Variants in ERCC4 observed in about 807,000 individuals in gnomAD.
ERCC4 encodes DNA repair endonuclease XPF.
A neutral mutation model predicts 76.9 loss-of-function variants in ERCC4; 65 were observed. The observed-to-expected ratio is 0.84, with a 90% CI of 0.69 to 1.04. The LOEUF (loss-of-function observed/expected upper bound fraction) is 1.04. Ranked by LOEUF, ERCC4 falls within the 50% of genes least tolerant of loss-of-function variation. The pLI is 0.00. For missense variants in ERCC4, 1,214 were observed against 1,128.2 expected (o/e 1.08, Z -1.09); for synonymous variants, 463 against 410.1 (o/e 1.13, Z -1.56).
intron 8 of ERCC4, among the ~76,000 whole-genome samples, chr16:13,937,014 C>A (rs1224742176): frequency 6.6e-6 from 1 of 151,518 alleles, no homozygotes; most frequent in East Asian, 1.9e-4. Flanking sequence ...CCCCCTTTCC[C>A]TGACTCACGT....
At position 13,920,392 on chromosome 16, in the gene ERCC4, G is replaced by T; in HGVS notation, c.207+20G>T. 1 of 1,544,012 alleles carries T rather than the reference G, an allele frequency of 6.5e-7. No homozygotes were observed. The highest frequency in any genetic ancestry group is 1.9e-5 in the Admixed American group (1 of 52,376). ...GAGGAGGTGCGGCCGCGCTGGCGCG[G>T]GAGTGAGGGGACTCCGAGAGTGTTG... On this transcript the variant is annotated intron_variant, in intron 1 of 10. Transcript: ENST00000311895.
At position 13,950,478 on chromosome 16, in the gene ERCC4, G is replaced by C. The variant is rs2032609710; in HGVS notation, c.*2131G>C. 2 of 192,094 alleles carry C rather than the reference G, an allele frequency of 1.0e-5. No individual in the cohort carries two copies. The highest frequency in any genetic ancestry group is 4.6e-5 in the African/African-American group (2 of 43,124). The allele number at this position is 192,094 out of a possible 1,614,324, so 11.9% of individuals were successfully genotyped here. A position where few individuals can be genotyped will look rare whatever the true frequency, so the allele number is the denominator to read the frequency against. ...AAGAAATAAAAATTAGTTTAAGATG[G>C]AATAAAGATTTGGGCTGCTAATTTT... On this transcript the variant is annotated 3_prime_UTR_variant, in exon 11 of 11. Coordinates refer to ENST00000311895, the MANE Select transcript of ERCC4 (RefSeq NM_005236.3).
Position 13,930,812 on chromosome 16 carries a change from T to A in ERCC4, c.895T>A (p.Ser299Thr). The part of the protein sequence containing the change: ...KILRTLLQYL[S>T]QYDCVTFLNL... ...ATTACGAACTTTGCTGCAGTATCTC[T>A]CTCAGTATGATTGTGTCACATTTCT... Residue 299 changes from serine (S) to threonine (T), a missense_variant, in exon 5 of 11, where the codon TCT becomes ACT. Transcript: ENST00000311895. The A allele has an allele frequency of 1.2e-6, 2 of 1,612,764 alleles. No homozygotes were observed. Among genetic ancestry groups the A allele is most frequent in the Non-Finnish European group, 1.7e-6 (2 of 1,178,752 alleles).
chr16:13,944,661 C>T (rs1371755586), intron 9 of ERCC4, 62 bp from the exon 10 acceptor site: 5 of 1,092,514 alleles, frequency 4.6e-6, no homozygotes, highest in African/African-American at 1.5e-5. Context: ...ACAATTTACA[C>T]ACAATAAAAT....
At chr16:13,933,716 A>G (rs1277078072) in intron 6 of ERCC4, 4 of 153,076 alleles carry the variant, frequency 2.6e-5, no homozygotes, top group Non-Finnish European at 5.8e-5. Flanking sequence ...TTAAAAAAAA[A>G]AAATCTTTTT....
intron 9 of ERCC4, among the ~76,000 whole-genome samples, chr16:13,942,797 G>C (rs1038451517): frequency 1.3e-5 from 2 of 152,214 alleles, no homozygotes; most frequent in African/African-American, 4.8e-5. Context: ...GTGATATACA[G>C]CTTAGCCAGT....
intron 5 of ERCC4, 152 bp from the exon 6 acceptor site, chr16:13,932,005 T>C: frequency 1.4e-6 from 1 of 739,680 alleles, no homozygotes; most frequent in African/African-American, 1.7e-5. Flanking sequence ...CTGGTCCAGC[T>C]GAACAGCGAC....
rs763202833 is a variant in ERCC4, at chr16:13,947,932, T to A, written c.2336T>A (p.Ile779Asn). Residue 779 changes from isoleucine (I) to asparagine (N), a missense_variant, in exon 11 of 11, where the codon ATC (isoleucine) becomes AAC (asparagine). By Grantham distance (149) the Ile-to-Asn change is moderately radical (BLOSUM62 -3). Transcript: ENST00000311895. ...LTSRGALFQEISSNDISSKLT... is the reference protein window; with the variant it reads ...LTSRGALFQENSSNDISSKLT... ...TCCCGAGGTGCCTTGTTTCAGGAGA[T>A]CTCCAGCAATGACATTAGTTCCAAA... is the stretch of plus-strand genomic sequence containing the variant. The A allele has an allele frequency of 6.2e-7, 1 of 1,613,994 alleles. No homozygotes were observed. The highest frequency in any genetic ancestry group is 8.5e-7 in the Non-Finnish European group (1 of 1,180,030).
At chr16:13,947,138 A>T (rs1470138611) in intron 10 of ERCC4, among the ~76,000 whole-genome samples, 3 of 152,118 alleles carry the variant, frequency 2.0e-5, no homozygotes, top group Non-Finnish European at 4.4e-5. Flanking sequence ...TAAGATGTTC[A>T]TGTTTTTCCC....
At position 13,932,156 on chromosome 16, in the gene ERCC4, G is replaced by C; in HGVS notation, c.974-1G>C. The C allele has an allele frequency of 6.2e-7, 1 of 1,612,902 alleles. No homozygotes were observed. The highest frequency in any genetic ancestry group is 8.5e-7 in the Non-Finnish European group (1 of 1,179,090). ...CTTTTTCTTTTAACTTTTCGTATTA[G>C]GTTGGCTGTTTCTTGACTCCAGCAC... On this transcript the variant is annotated splice_acceptor_variant, in intron 5 of 10. Transcript: ENST00000311895. LOFTEE classifies it high-confidence loss of function.
rs372425414 is a variant in ERCC4, at chr16:13,947,795, C to T, written c.2199C>T (p.Ile733=). 28 of 1,614,098 alleles carry T rather than the reference C, an allele frequency of 1.7e-5. No individual in the cohort carries two copies. The South Asian group carries it at 2.3e-4, about 13-fold the overall frequency. The change falls in exon 11 of 11, where the codon ATC becomes ATT. Residue 733 remains isoleucine (I), a synonymous_variant. Coordinates refer to ENST00000311895, the MANE Select transcript of ERCC4 (RefSeq NM_005236.3). ...AGCGCAAGAGTATCAGTGATTTAAT[C>T]GGCTCTTTAAATAACGGCCGCCTCT... ...CVERKSISDL[I]GSLNNGRLYS... is the part of the protein sequence containing the mutation.
intron 6 of ERCC4, 54 bp downstream of exon 6, chr16:13,932,339 G>A: frequency 6.5e-7 from 1 of 1,549,852 alleles, no homozygotes; most frequent in Non-Finnish European, 8.9e-7. Flanking sequence ...TATTTGGTAT[G>A]GAAATTTAAA....
rs1172256515 is a variant in ERCC4 at position 13,949,988 on chromosome 16, G to C, written c.*1641G>C. On this transcript the variant is annotated 3_prime_UTR_variant, in exon 11 of 11. Coordinates refer to ENST00000311895, the MANE Select transcript of ERCC4 (RefSeq NM_005236.3). ...CATTGTTATTTTTTTTTGAGACAGA[G>C]TCTCCCTCTGTTGCCCAGGCTGGAG... The C allele has an allele frequency of 9.1e-6, 2 of 220,412 alleles. No homozygotes were observed. The highest frequency in any genetic ancestry group is 5.8e-5 in the Admixed American group (1 of 17,306). The allele number at this position is 220,412 out of a possible 1,614,324, so 13.7% of individuals were successfully genotyped here. A position where few individuals can be genotyped will look rare whatever the true frequency, so the allele number is the denominator to read the frequency against.
rs775257742 is a variant in ERCC4, at chr16:13,922,109, A to C, written c.286A>C (p.Ser96Arg). Residue 96 changes from serine (S) to arginine (R), a missense_variant, in exon 2 of 11, where the codon AGT (serine) becomes CGT (arginine). Physicochemically the swap from Ser to Arg is moderately radical, Grantham distance 110 (BLOSUM62 -1). Coordinates refer to ENST00000311895, the MANE Select transcript of ERCC4 (RefSeq NM_005236.3). ...RRVTNEITSN[S>R]RYEVYTQGGV... is the part of the protein sequence containing the mutation. ...TGTAACAAATGAAATCACAAGCAACAGTCGCTATGAAGTTTACACACAAGG... is the reference window on the plus strand; with the variant it reads ...TGTAACAAATGAAATCACAAGCAACCGTCGCTATGAAGTTTACACACAAGG... 34 of 1,613,658 alleles carry C rather than the reference A, an allele frequency of 2.1e-5. No homozygotes were observed. Among genetic ancestry groups the C allele is most frequent in the Non-Finnish European group, 2.7e-5 (32 of 1,179,670 alleles).
In ERCC4 at chr16:13,950,172, G is replaced by C. The variant is rs2032604076; in HGVS notation, c.*1825G>C. 5.4e-6 allele frequency: 1 copy of C among 184,740 alleles called. No homozygotes were observed. The highest frequency in any genetic ancestry group is 1.1e-5 in the Non-Finnish European group (1 of 87,256). 11.4% of individuals were successfully genotyped at this position (184,740 alleles called of 1,614,324 possible). ...GACGGGGTTTCACCATGTTGGCCAG[G>C]CTGGTCTCAAACTACTGACCTCAGG... On this transcript the variant is annotated 3_prime_UTR_variant, in exon 11 of 11. Transcript: ENST00000311895.
intron 9 of ERCC4, among the ~76,000 whole-genome samples, chr16:13,943,058 T>G (rs1271914337): frequency 6.6e-6 from 1 of 152,226 alleles, no homozygotes; most frequent in Non-Finnish European, 1.5e-5. Flanking sequence ...GTCTGCCCCC[T>G]TGTGATCTAC....
In ERCC4 at chr16:13,948,064, C is replaced by G; in HGVS notation, c.2468C>G (p.Pro823Arg). The stretch of plus-strand genomic sequence containing the variant: ...GAGCTGAAACAAAGCAAGCCACAGC[C>G]TGATGCGGCGACAGCACTGGCCATT... ...FEELKQSKPQPDAATALAITA... is the reference protein window; with the variant it reads ...FEELKQSKPQRDAATALAITA... Residue 823 changes from proline (P) to arginine (R), a missense_variant, in exon 11 of 11, where the codon CCT (proline) becomes CGT (arginine). Physicochemically the swap from Pro to Arg is moderately radical, Grantham distance 103. Coordinates refer to ENST00000311895, the MANE Select transcript of ERCC4 (RefSeq NM_005236.3). The G allele has an allele frequency of 6.2e-7, 1 of 1,614,176 alleles. No individual in the cohort carries two copies. The highest frequency in any genetic ancestry group is 8.5e-7 in the Non-Finnish European group (1 of 1,180,020).
intron 5 of ERCC4, chr16:13,931,822 A>T (rs2032177441): frequency 4.0e-6 from 1 of 250,984 alleles, no homozygotes; most frequent in Non-Finnish European, 7.6e-6. Context: ...ATTCCTATTA[A>T]CAACATTGCA....
chr16:13,926,323 C>T (rs1433907679), intron 2 of ERCC4, among the ~76,000 whole-genome samples: 2 of 152,164 alleles, frequency 1.3e-5, no homozygotes, highest in African/African-American at 4.8e-5. Flanking sequence ...ACTCCCTCTC[C>T]TCCTTCTCTG....
Sources: gnomAD v4.1 joint callset for allele counts (sites outside exome capture counted in the v4.1 genomes callset) on GRCh38, gnomAD v4.1.1 for gene constraint, MANE v1.5 for transcripts, NCBI Gene and HGNC (gene_info 2026-07-23, HGNC 2026-07-21) for gene names.